Variants in UIMC1 observed in about 807,000 individuals in gnomAD.
UIMC1 encodes BRCA1-A complex subunit RAP80.
UIMC1 carries 42 observed loss-of-function variants against 84.9 expected under a neutral mutation model. The observed-to-expected ratio is 0.49, with a 90% CI of 0.39 to 0.64. The LOEUF is 0.64. Among genes scored for constraint, UIMC1 ranks in the 30% least tolerant of loss-of-function variants. The pLI, the probability that UIMC1 is intolerant of heterozygous loss-of-function variation, is 0.00. For synonymous variants in UIMC1, 281 were observed against 293.0 expected, an observed-to-expected ratio of 0.96 and a Z score of 0.42; for missense variants, 825 against 847.6, an observed-to-expected ratio of 0.97 and a Z score of 0.33.
intron 10 of UIMC1, among the ~76,000 whole-genome samples, chr5:176,926,476 T>C (rs1762402166): frequency 1.3e-5 from 2 of 151,866 alleles, no homozygotes; most frequent in Non-Finnish European, 2.9e-5. Context: ...CACTACAAAA[T>C]TAAAATTAAA....
chr5:176,913,239 C>T (rs1361232094), intron 10 of UIMC1, among the ~76,000 whole-genome samples: 1 of 152,130 alleles, frequency 6.6e-6, no homozygotes, highest in African/African-American at 2.4e-5. Flanking sequence ...GACAAATCTT[C>T]GAGTGCCTAG....
upstream of UIMC1, among the ~76,000 whole-genome samples, chr5:177,007,055 G>T (rs1259960988): frequency 6.6e-6 from 1 of 152,266 alleles, no homozygotes; most frequent in Non-Finnish European, 1.5e-5. Flanking sequence ...GAAAAATACG[G>T]AAATGCCGGG....
intron 11 of UIMC1, among the ~76,000 whole-genome samples, chr5:176,911,046 G>A (rs540412899): frequency 2.5e-4 from 38 of 150,248 alleles, no homozygotes; most frequent in South Asian, 6.3e-4. Flanking sequence ...CTGAGATTAC[G>A]CCATTGCACT....
chr5:176,907,596 A>G (rs1273208101), intron 12 of UIMC1, among the ~76,000 whole-genome samples: 1 of 152,146 alleles, frequency 6.6e-6, no homozygotes, highest in African/African-American at 2.4e-5. Context: ...TTTGTCGGTA[A>G]CCCTAGAATA....
chr5:177,001,150 T>G (rs1214397722), intron 1 of UIMC1, among the ~76,000 whole-genome samples: 1 of 152,172 alleles, frequency 6.6e-6, no homozygotes, highest in Admixed American at 6.5e-5. Flanking sequence ...GGTCTTAGAT[T>G]TAATACATTT....
At chr5:177,020,476 G>A (rs1775764850) in intron 1 of UIMC1, among the ~76,000 whole-genome samples, 1 of 152,154 alleles carries the variant, frequency 6.6e-6, no homozygotes, top group Non-Finnish European at 1.5e-5. Flanking sequence ...TGTTGCCCAG[G>A]ATGGAGTGCA....
At chr5:176,916,275 T>C (rs1273887017) in intron 10 of UIMC1, among the ~76,000 whole-genome samples, 1 of 152,186 alleles carries the variant, frequency 6.6e-6, no homozygotes, top group Admixed American at 6.6e-5. Context: ...AGTACAACTA[T>C]CAGGGAAAGG....
chr5:177,016,894 G>C (rs1775685968), intron 1 of UIMC1, among the ~76,000 whole-genome samples: 1 of 151,794 alleles, frequency 6.6e-6, no homozygotes, highest in Admixed American at 6.6e-5. Flanking sequence ...ATGGTGGCGG[G>C]TGCCTCTAGT....
chr5:177,017,839 A>G (rs1426452455), intron 1 of UIMC1, among the ~76,000 whole-genome samples: 2 of 151,388 alleles, frequency 1.3e-5, no homozygotes, highest in East Asian at 2.0e-4. Flanking sequence ...TTTTGTAGAG[A>G]TAGGGTCTTG....
At chr5:176,996,171 G>A (rs1314953216) in intron 1 of UIMC1, among the ~76,000 whole-genome samples, 1 of 152,158 alleles carries the variant, frequency 6.6e-6, no homozygotes, top group Non-Finnish European at 1.5e-5. Context: ...ATTATGGTGA[G>A]CAAAAGAAGC....
intron 11 of UIMC1, among the ~76,000 whole-genome samples, chr5:176,909,249 G>T (rs993422027): frequency 2.0e-5 from 3 of 152,162 alleles, no homozygotes; most frequent in Non-Finnish European, 2.9e-5. Flanking sequence ...AATTTTATAT[G>T]CATAGCTATC....
chr5:177,020,968 G>A (rs1223913215), intron 1 of UIMC1, among the ~76,000 whole-genome samples: 1 of 152,154 alleles, frequency 6.6e-6, no homozygotes, highest in African/African-American at 2.4e-5. Context: ...CAAAGTGCTG[G>A]AGATTCAGGT....
intron 1 of UIMC1, among the ~76,000 whole-genome samples, chr5:176,996,166 G>A (rs1306473851): frequency 6.6e-6 from 1 of 152,128 alleles, no homozygotes. Flanking sequence ...AAGACATTAT[G>A]GTGAGCAAAA....
chr5:177,011,345 T>C (rs1775545500), upstream of UIMC1, among the ~76,000 whole-genome samples: 1 of 151,972 alleles, frequency 6.6e-6, no homozygotes, highest in Admixed American at 6.6e-5. Flanking sequence ...TTCAAGGATG[T>C]AGTACACTAT....
chr5:176,935,389 A>G (rs1763605007), intron 10 of UIMC1, among the ~76,000 whole-genome samples: 1 of 152,118 alleles, frequency 6.6e-6, no homozygotes, highest in Admixed American at 6.6e-5. Context: ...TTTTATTTGT[A>G]TGTCCCTTAG....
intron 2 of UIMC1, among the ~76,000 whole-genome samples, chr5:176,977,860 G>A (rs1770375511): frequency 6.6e-6 from 1 of 151,726 alleles, no homozygotes; most frequent in South Asian, 2.1e-4. Flanking sequence ...GCAGTGAGCT[G>A]ATATCATGCC....
intron 1 of UIMC1, among the ~76,000 whole-genome samples, chr5:177,021,107 G>C (rs1331049659): frequency 6.6e-6 from 1 of 151,886 alleles, no homozygotes; most frequent in Non-Finnish European, 1.5e-5. Context: ...GTGAAACCCC[G>C]TCTCTACCAA....
intron 1 of UIMC1, among the ~76,000 whole-genome samples, chr5:176,997,684 CAAAAAAAAAAA>C (rs11327766): frequency 1.9e-5 from 2 of 102,928 alleles, no homozygotes; most frequent in South Asian, 3.2e-4. Flanking sequence ...GACTCTGTCT[CAAAAAAAAAAA>C]AAAAAAAAAA....
intron 9 of UIMC1, among the ~76,000 whole-genome samples, chr5:176,950,124 G>A (rs570016242): frequency 8.9e-5 from 11 of 123,406 alleles, no homozygotes; most frequent in South Asian, 2.6e-4. Context: ...TTTTTGAGAC[G>A]GAGTCTTGCT....
Sources: gnomAD v4.1 joint callset for allele counts (sites outside exome capture counted in the v4.1 genomes callset) on GRCh38, gnomAD v4.1.1 for gene constraint, MANE v1.5 for transcripts, NCBI Gene and HGNC (gene_info 2026-07-23, HGNC 2026-07-21) for gene names.